MAD1L1: variants seen among roughly 807,000 people sequenced by gnomAD.
The protein encoded by MAD1L1 is mitotic arrest deficient 1 like 1.
MAD1L1 carries 95 observed loss-of-function variants against 96.9 expected under a neutral mutation model. That is an observed-to-expected ratio of 0.98 (90% CI 0.83 to 1.16). The LOEUF is 1.16. Among genes scored for constraint, MAD1L1 ranks in the 50% most tolerant of loss-of-function variants. The pLI, the probability that MAD1L1 is intolerant of heterozygous loss-of-function variation, is 0.00. For missense variants in MAD1L1, 1,007 were observed against 954.4 expected, an observed-to-expected ratio of 1.06 and a Z score of -0.73; for synonymous variants, 473 against 396.6, an observed-to-expected ratio of 1.19 and a Z score of -2.29.
chr7:2,196,861 A>T (rs746201284), intron 10 of MAD1L1, among the ~76,000 whole-genome samples: 21 of 152,196 alleles, frequency 1.4e-4, no homozygotes, highest in Non-Finnish European at 1.9e-4. Context: ...GAGGCTCTCA[A>T]CTGACAACAG....
intron 10 of MAD1L1, among the ~76,000 whole-genome samples, chr7:2,153,293 A>G (rs1338617323): frequency 6.6e-6 from 1 of 152,224 alleles, no homozygotes; most frequent in Non-Finnish European, 1.5e-5. Flanking sequence ...TTCGGCCAAT[A>G]AGGGACTAAC....
intron 12 of MAD1L1, among the ~76,000 whole-genome samples, chr7:2,051,609 C>T (rs571328052): frequency 8.6e-5 from 13 of 151,724 alleles, no homozygotes; most frequent in Admixed American, 2.0e-4. Flanking sequence ...TCCCTGCATC[C>T]GCCGGGTCAC....
intron 10 of MAD1L1, among the ~76,000 whole-genome samples, chr7:2,185,790 G>A (rs1179792930): frequency 6.6e-6 from 1 of 152,210 alleles, no homozygotes; most frequent in Non-Finnish European, 1.5e-5. Flanking sequence ...AATAACAGGC[G>A]AGAATGCGTC....
Position 2,230,157 on chromosome 7 carries a change from A to G in MAD1L1, c.-10-14T>C, listed in dbSNP as rs1794121614. 14 of 1,572,028 alleles carry G rather than the reference A, an allele frequency of 8.9e-6. No individual in the cohort carries two copies. The highest frequency in any genetic ancestry group is 1.2e-5 in the Non-Finnish European group (14 of 1,157,924). On this transcript the variant is annotated splice_polypyrimidine_tract_variant and intron_variant, in intron 2 of 18. Coordinates refer to ENST00000265854, the MANE Select transcript of MAD1L1 (RefSeq NM_001013836.2). ...ATGGTTGCTTTCCTTCCGGGGACAG[A>G]CAAAGGACTGGTCAGGGGCAGCCTT... is the stretch of plus-strand genomic sequence containing the variant.
intron 16 of MAD1L1, among the ~76,000 whole-genome samples, chr7:1,953,512 G>A (rs1238706349): frequency 2.0e-5 from 3 of 152,238 alleles, no homozygotes; most frequent in East Asian, 3.9e-4. Context: ...AGGAACGGCT[G>A]GAGCACGGGC....
At chr7:2,185,378 A>C (rs1791410311) in intron 10 of MAD1L1, among the ~76,000 whole-genome samples, 1 of 152,218 alleles carries the variant, frequency 6.6e-6, no homozygotes, top group South Asian at 2.1e-4. Context: ...ACGAGAAGGA[A>C]CTTCCAGAGG....
chr7:2,123,479 C>A (rs1429139884), intron 11 of MAD1L1, among the ~76,000 whole-genome samples: 2 of 152,126 alleles, frequency 1.3e-5, no homozygotes, highest in African/African-American at 4.8e-5. Flanking sequence ...GGGCGGCTGA[C>A]ACCCGGTGGG....
intron 18 of MAD1L1, among the ~76,000 whole-genome samples, chr7:1,880,333 T>G (rs901626765): frequency 6.6e-6 from 1 of 152,112 alleles, no homozygotes; most frequent in Non-Finnish European, 1.5e-5. Flanking sequence ...CACCAGGTCA[T>G]GATGTCTCTG....
rs1431126002 is a variant in MAD1L1, at chr7:2,230,003, T to C, written c.131A>G (p.Gln44Arg). ...STSAPGSLQM[Q>R]YQQSMQLEER... ...ACTCACCTGCATGCTCTGCTGGTAC[T>C]GCATCTGCAGAGAACCTGGGGCCGA... Residue 44 changes from glutamine (Q) to arginine (R), a missense_variant, in exon 3 of 19, where the codon CAG becomes CGG. Transcript: ENST00000265854. The C allele has an allele frequency of 1.2e-6, 2 of 1,613,018 alleles. No individual in the cohort carries two copies. Among genetic ancestry groups the C allele is most frequent in the Non-Finnish European group, 1.7e-6 (2 of 1,180,010 alleles).
chr7:2,137,878 C>T (rs1584407545), intron 11 of MAD1L1, among the ~76,000 whole-genome samples: 1 of 152,210 alleles, frequency 6.6e-6, no homozygotes. Context: ...CACGAGGACA[C>T]GATACCGGCC....
At chr7:2,123,652 C>T (rs1365088358) in intron 11 of MAD1L1, among the ~76,000 whole-genome samples, 2 of 152,196 alleles carry the variant, frequency 1.3e-5, no homozygotes, top group Non-Finnish European at 2.9e-5. Flanking sequence ...CGAGGACTCA[C>T]GGGGACATGC....
intron 18 of MAD1L1, among the ~76,000 whole-genome samples, chr7:1,843,569 G>C (rs1783406992): frequency 6.6e-6 from 1 of 152,188 alleles, no homozygotes; most frequent in Admixed American, 6.5e-5. Context: ...GTTCTTTACT[G>C]CAATGCTATT....
intron 15 of MAD1L1, among the ~76,000 whole-genome samples, chr7:1,976,671 A>G (rs1450991387): frequency 6.6e-6 from 1 of 151,968 alleles, no homozygotes; most frequent in Non-Finnish European, 1.5e-5. Context: ...GGCTCCACCC[A>G]CTCCTGCTGA....
At chr7:1,861,005 C>T (rs569426469) in intron 18 of MAD1L1, among the ~76,000 whole-genome samples, 1 of 152,356 alleles carries the variant, frequency 6.6e-6, no homozygotes, top group East Asian at 1.9e-4. Context: ...TGGAGTCCAC[C>T]TCTGTCCTGG....
intron 16 of MAD1L1, among the ~76,000 whole-genome samples, chr7:1,954,097 A>G (rs1779621427): frequency 6.6e-6 from 1 of 152,064 alleles, no homozygotes; most frequent in Non-Finnish European, 1.5e-5. Context: ...GGTGCCCTCC[A>G]TCCCCGCATG....
At position 1,857,035 on chromosome 7, in the gene MAD1L1, G is replaced by A. The variant is rs114031853; in HGVS notation, c.1999-40807C>T. On this transcript the variant is annotated intron_variant, in intron 18 of 18. Coordinates refer to ENST00000265854, the MANE Select transcript of MAD1L1 (RefSeq NM_001013836.2). ...TCCTGCCAACCCTCCAGCAGCACTC[G>A]GGTGAGGACGAGGAGCTGCGGGGAG... is the stretch of plus-strand genomic sequence containing the variant. 2.7e-3 allele frequency among the ~76,000 whole-genome samples: 407 copies of A among 152,296 alleles called. 3 individuals are homozygous for A. Among genetic ancestry groups the A allele is most frequent in the African/African-American group, 8.3e-3 (346 of 41,586 alleles).
chr7:2,149,117 G>T, intron 11 of MAD1L1, 35 bp downstream of exon 11: 3 of 1,598,898 alleles, frequency 1.9e-6, no homozygotes, highest in Non-Finnish European at 2.6e-6. Context: ...CAAAGCAAAC[G>T]CATCCCCACA....
chr7:2,003,084 G>A (rs767159145), intron 13 of MAD1L1, among the ~76,000 whole-genome samples: 33 of 152,280 alleles, frequency 2.2e-4, no homozygotes, highest in Admixed American at 3.3e-4. Flanking sequence ...GAGATGGAGG[G>A]CCAGCCCAGG....
intron 11 of MAD1L1, among the ~76,000 whole-genome samples, chr7:2,108,607 A>T (rs961894683): frequency 2.0e-5 from 3 of 152,206 alleles, no homozygotes; most frequent in African/African-American, 7.2e-5. Flanking sequence ...GAGCCCCAGA[A>T]AGGGTCTGAA....
Sources: allele counts gnomAD v4.1 joint callset (sites outside exome capture counted in the v4.1 genomes callset), GRCh38; gene constraint gnomAD v4.1.1; transcripts MANE v1.5; gene names NCBI Gene and HGNC (gene_info 2026-07-23, HGNC 2026-07-21).